Variants in DPP10 observed in about 807,000 individuals in gnomAD.
DPP10 encodes the protein inactive dipeptidyl peptidase 10.
Under a neutral mutation model 120.9 loss-of-function variants are expected in DPP10, and 33 were observed. That is an observed-to-expected ratio of 0.27 (90% confidence interval 0.21 to 0.37). DPP10 has a LOEUF of 0.37. Ranked by LOEUF, DPP10 falls within the 10% of genes least tolerant of loss-of-function variation. The pLI, the probability that DPP10 is intolerant of heterozygous loss-of-function variation, is 1.00. For missense variants in DPP10, 816 were observed against 942.8 expected (o/e 0.87, Z 1.76); for synonymous variants, 337 against 326.1 (o/e 1.03, Z -0.36).
intron 3 of DPP10, among the ~76,000 whole-genome samples, chr2:115,490,108 A>G (rs1298550757): frequency 6.6e-6 from 1 of 152,150 alleles, no homozygotes; most frequent in Non-Finnish European, 1.5e-5. Flanking sequence ...GAACCCAGGT[A>G]CACCTTCCTT....
rs1318363895 is a variant in DPP10 at position 115,290,514 on chromosome 2, T to C, written c.61-18725T>C. 2.6e-5 allele frequency among the ~76,000 whole-genome samples: 4 copies of C among 152,156 alleles called. No homozygotes were observed. In the South Asian group the frequency reaches 8.3e-4, roughly 31 times the overall value. ...GTGCACTTCTCTCAACTTTCCTTTATATTTGAACATTTTCATAATGAAATG... is the reference window on the plus strand; with the variant it reads ...GTGCACTTCTCTCAACTTTCCTTTACATTTGAACATTTTCATAATGAAATG... On this transcript the variant is annotated intron_variant, in intron 1 of 25. Coordinates refer to ENST00000410059, the MANE Select transcript of DPP10 (RefSeq NM_020868.6).
At chr2:115,772,055 C>T (rs931904459) in intron 13 of DPP10, among the ~76,000 whole-genome samples, 1 of 150,836 alleles carries the variant, frequency 6.6e-6, no homozygotes, top group Non-Finnish European at 1.5e-5. Flanking sequence ...CCAAAGGATA[C>T]AAATAAAAAG....
intron 1 of DPP10, among the ~76,000 whole-genome samples, chr2:114,965,964 C>CAAAAAAAAA (rs57107624): frequency 5.7e-4 from 43 of 74,794 alleles, no homozygotes; most frequent in South Asian, 1.4e-3. Context: ...GACTCCTTCT[C>CAAAAAAAAA]AAAAAAAAAA....
intron 5 of DPP10, among the ~76,000 whole-genome samples, chr2:115,670,550 C>T (rs905772286): frequency 6.6e-6 from 1 of 151,994 alleles, no homozygotes; most frequent in East Asian, 1.9e-4. Flanking sequence ...TTTTGAGAGG[C>T]TAAGTTGTGA....
At chr2:114,870,509 TA>T (rs1454052606) in intron 1 of DPP10, among the ~76,000 whole-genome samples, 1 of 152,144 alleles carries the variant, frequency 6.6e-6, no homozygotes, top group African/African-American at 2.4e-5. Flanking sequence ...AGGTATATTT[TA>T]AGGGCAATAG....
At chr2:115,747,469 G>A (rs745496472) in intron 10 of DPP10, among the ~76,000 whole-genome samples, 7 of 152,002 alleles carry the variant, frequency 4.6e-5, no homozygotes, top group Non-Finnish European at 8.8e-5. Context: ...TCTCTGGTTT[G>A]TTTAATGCTA....
At chr2:114,509,017 A>G (rs1683913667) in intron 1 of DPP10, among the ~76,000 whole-genome samples, 2 of 148,652 alleles carry the variant, frequency 1.3e-5, no homozygotes, top group South Asian at 4.2e-4. Flanking sequence ...AGAGTGAGAA[A>G]GAGAGAGAGA....
At chr2:114,733,809 T>G (rs1349708151) in intron 1 of DPP10, among the ~76,000 whole-genome samples, 1 of 152,160 alleles carries the variant, frequency 6.6e-6, no homozygotes, top group Non-Finnish European at 1.5e-5. Context: ...CAGAGAAAGA[T>G]CCAGATGTTT....
At chr2:115,784,526 C>G (rs984188618) in intron 17 of DPP10, among the ~76,000 whole-genome samples, 4 of 151,970 alleles carry the variant, frequency 2.6e-5, no homozygotes, top group Non-Finnish European at 5.9e-5. Flanking sequence ...AAATAATAGT[C>G]AAAACTTATT....
chr2:114,821,607 C>T (rs774804755), intron 1 of DPP10, among the ~76,000 whole-genome samples: 10 of 152,122 alleles, frequency 6.6e-5, no homozygotes, highest in Non-Finnish European at 1.3e-4. Flanking sequence ...TCATCTGAGG[C>T]AAAGCAAGTC....
chr2:115,016,531 G>A (rs1411434254), intron 1 of DPP10, among the ~76,000 whole-genome samples: 2 of 152,102 alleles, frequency 1.3e-5, no homozygotes, highest in Non-Finnish European at 2.9e-5. Flanking sequence ...AAGAGCTTCT[G>A]TACAGCAAAA....
chr2:114,797,217 C>A (rs1195415081), intron 1 of DPP10, among the ~76,000 whole-genome samples: 1 of 152,100 alleles, frequency 6.6e-6, no homozygotes, highest in African/African-American at 2.4e-5. Flanking sequence ...GAACCAAGAC[C>A]AGAAAGCTGT....
chr2:115,449,513 T>C (rs2072925858), intron 3 of DPP10, among the ~76,000 whole-genome samples: 1 of 152,080 alleles, frequency 6.6e-6, no homozygotes, highest in African/African-American at 2.4e-5. Flanking sequence ...ACTATATCCT[T>C]ACATAATTTG....
intron 3 of DPP10, among the ~76,000 whole-genome samples, chr2:115,421,188 C>A (rs971130517): frequency 2.6e-5 from 4 of 151,878 alleles, no homozygotes; most frequent in African/African-American, 9.7e-5. Flanking sequence ...AAACTATATG[C>A]CAGTGTAAAT....
chr2:115,129,340 T>C (rs529735719), intron 1 of DPP10, among the ~76,000 whole-genome samples: 2 of 152,328 alleles, frequency 1.3e-5, no homozygotes, highest in South Asian at 4.1e-4. Context: ...AAATCCTTCA[T>C]GAGGATGCAA....
chr2:115,057,373 AT>A (rs201551823), intron 1 of DPP10, among the ~76,000 whole-genome samples: 3 of 151,368 alleles, frequency 2.0e-5, no homozygotes, highest in African/African-American at 4.8e-5. Context: ...AGATGGAGGG[AT>A]TTTTTTTTAG....
At chr2:115,353,492 T>G (rs541587356) in intron 3 of DPP10, among the ~76,000 whole-genome samples, 2 of 152,256 alleles carry the variant, frequency 1.3e-5, no homozygotes, top group East Asian at 3.9e-4. Context: ...AGCTCTTAAT[T>G]TGAAACAGAA....
intron 1 of DPP10, among the ~76,000 whole-genome samples, chr2:115,170,371 A>G (rs968299819): frequency 3.9e-5 from 6 of 152,182 alleles, no homozygotes; most frequent in Non-Finnish European, 7.4e-5. Flanking sequence ...CACAGAATAG[A>G]AGATGAGGAA....
chr2:114,727,703 T>A (rs1676473513), intron 1 of DPP10, among the ~76,000 whole-genome samples: 1 of 152,216 alleles, frequency 6.6e-6, no homozygotes, highest in African/African-American at 2.4e-5. Flanking sequence ...TTAGTTCAAA[T>A]TATTGTGTGT....
Sources: gnomAD v4.1 joint callset for allele counts (sites outside exome capture counted in the v4.1 genomes callset) on GRCh38, gnomAD v4.1.1 for gene constraint, MANE v1.5 for transcripts, NCBI Gene and HGNC (gene_info 2026-07-23, HGNC 2026-07-21) for gene names.